Variants in SMAP2 observed in about 807,000 individuals in gnomAD.
The protein encoded by SMAP2 is stromal membrane-associated protein 2.
In SMAP2, 25 loss-of-function variants were observed where a neutral mutation model predicts 56.4. The observed-to-expected ratio is 0.44, with a 90% CI of 0.32 to 0.62. The LOEUF is 0.62. Ranked by LOEUF, SMAP2 falls within the 20% of genes least tolerant of loss-of-function variation. The pLI is 0.04. For missense variants in SMAP2, 388 were observed against 545.6 expected (o/e 0.71, Z 2.88); for synonymous variants, 157 against 181.7 (o/e 0.86, Z 1.09).
At chr1:40,378,537 C>T (rs1644563391) in intron 1 of SMAP2, among the ~76,000 whole-genome samples, 1 of 152,144 alleles carries the variant, frequency 6.6e-6, no homozygotes, top group Non-Finnish European at 1.5e-5. Flanking sequence ...AGTTCTAACT[C>T]CTGGGCTGAA....
intron 1 of SMAP2, among the ~76,000 whole-genome samples, chr1:40,381,456 A>G (rs1306433277): frequency 6.6e-6 from 1 of 152,246 alleles, no homozygotes. Flanking sequence ...TTAAAGGATA[A>G]GTATGACTTT....
Position 40,376,692 on chromosome 1 carries a change from A to G in SMAP2, c.103+2469A>G, listed in dbSNP as rs78428130. Among the ~76,000 whole-genome samples, 825 of 152,336 alleles carry G rather than the reference A, an allele frequency of 5.4e-3. 6 individuals carry two copies. The highest frequency in any genetic ancestry group is 0.026 in the South Asian group (124 of 4,824). On this transcript the variant is annotated intron_variant, in intron 1 of 9. Transcript: ENST00000372718. ...TGTTACCTGTTAGCGCTGATAAAAA[A>G]TACATTTCATTGGAGGAGGAATTTA...
intron 4 of SMAP2, among the ~76,000 whole-genome samples, chr1:40,410,907 AT>A (rs1186063821): frequency 6.6e-6 from 1 of 152,206 alleles, no homozygotes; most frequent in African/African-American, 2.4e-5. Flanking sequence ...TCACAGAAGT[AT>A]TGAGAGTAAG....
At chr1:40,414,364 A>G (rs1644966902) in intron 6 of SMAP2, 124 bp downstream of exon 6, 1 of 829,826 alleles carries the variant, frequency 1.2e-6, no homozygotes, top group Non-Finnish European at 2.0e-6. Flanking sequence ...GTTCTCTCAC[A>G]TTCTTCCTGA....
At chr1:40,379,429 G>A (rs1644573882) in intron 1 of SMAP2, among the ~76,000 whole-genome samples, 1 of 152,136 alleles carries the variant, frequency 6.6e-6, no homozygotes, top group African/African-American at 2.4e-5. Flanking sequence ...AACATGGAGA[G>A]CATACACTTT....
intron 1 of SMAP2, among the ~76,000 whole-genome samples, chr1:40,357,130 GTTGA>G (rs149753737): frequency 0.11 from 16,469 of 152,000 alleles, 943 homozygotes; most frequent in Middle Eastern, 0.18. Flanking sequence ...TCTTCATTTT[GTTGA>G]TTATTTCCTT....
chr1:40,400,974 T>G (rs532435967), intron 1 of SMAP2, among the ~76,000 whole-genome samples: 179 of 152,250 alleles, frequency 1.2e-3, no homozygotes, highest in Non-Finnish European at 2.1e-3. Flanking sequence ...AGAGAACCAA[T>G]GCTGGTTGGG....
chr1:40,422,193 C>A lies in SMAP2; in HGVS notation c.*92C>A. 1 of 1,523,966 alleles carries A rather than the reference C, an allele frequency of 6.6e-7. No homozygotes were observed. The highest frequency in any genetic ancestry group is 2.4e-5 in the East Asian group (1 of 41,992). 94.4% of individuals were successfully genotyped at this position (1,523,966 alleles called of 1,614,324 possible). ...CCTGACCCCCATCCTCTTTTCCTAC[C>A]TCTCTGTTTGGTTTAGAAATTGCTC... On this transcript the variant is annotated 3_prime_UTR_variant, in exon 10 of 10. Coordinates refer to ENST00000372718, the MANE Select transcript of SMAP2 (RefSeq NM_022733.3).
intron 4 of SMAP2, among the ~76,000 whole-genome samples, 174 bp downstream of exon 4, chr1:40,410,009 A>G (rs2124350090): frequency 6.6e-6 from 1 of 152,284 alleles, no homozygotes; most frequent in South Asian, 2.1e-4. Context: ...TGGGAGGCTG[A>G]GGTGGGAGGA....
chr1:40,415,238 A>G, intron 6 of SMAP2, 34 bp from the exon 7 acceptor site: 1 of 1,490,506 alleles, frequency 6.7e-7, no homozygotes, highest in African/African-American at 1.4e-5. Context: ...CTTAATAAGC[A>G]GTGCTGCATC....
chr1:40,374,239 T>TG lies in SMAP2; in HGVS notation c.103+18dup. On this transcript the variant is annotated intron_variant, in intron 1 of 9. Transcript: ENST00000372718. This position sits in a 1 kb window ranked among gnomAD's most constrained non-coding sequence, Gnocchi z 5.9. ...CAGTCTAAAGGTAGCGCATCCCACC[T>TG]GGCGGGCCAGGGGTCCAGCCGCGCC... 1.3e-6 allele frequency: 2 copies of TG among 1,597,852 alleles called. No homozygotes were observed. The highest frequency in any genetic ancestry group is 1.7e-6 in the Non-Finnish European group (2 of 1,171,624).
chr1:40,412,881 C>T, intron 4 of SMAP2, 135 bp from the exon 5 acceptor site: 1 of 636,462 alleles, frequency 1.6e-6, no homozygotes, highest in Non-Finnish European at 2.7e-6. Flanking sequence ...AAGACACCGC[C>T]CCCCAAGCTT....
Position 40,385,336 on chromosome 1 carries a change from G to A in SMAP2, c.103+11113G>A, listed in dbSNP as rs2124247387. On this transcript the variant is annotated intron_variant, in intron 1 of 9. Coordinates refer to ENST00000372718, the MANE Select transcript of SMAP2 (RefSeq NM_022733.3). This position sits in a 1 kb window ranked among gnomAD's most constrained non-coding sequence, Gnocchi z 4.5. ...CCCCTCAGTTCATAGATTTCCTATA[G>A]GAATTCTGGTTTGCTTTTAAATACA... Among the ~76,000 whole-genome samples the A allele has an allele frequency of 6.6e-6, 1 of 152,156 alleles. No individual in the cohort carries two copies. Among genetic ancestry groups the A allele is most frequent in the South Asian group, 2.1e-4 (1 of 4,824 alleles).
intron 9 of SMAP2, among the ~76,000 whole-genome samples, chr1:40,418,354 A>G (rs906262545): frequency 2.0e-5 from 3 of 152,212 alleles, no homozygotes; most frequent in Admixed American, 6.5e-5. Flanking sequence ...AAAACTAAAT[A>G]TAGAAAGTAG....
intron 6 of SMAP2, among the ~76,000 whole-genome samples, chr1:40,414,510 A>G (rs1410542272): frequency 1.3e-5 from 2 of 152,242 alleles, no homozygotes; most frequent in Non-Finnish European, 2.9e-5. Context: ...CTGTGTGACC[A>G]TGGGTAGTTT....
upstream of SMAP2, among the ~76,000 whole-genome samples, chr1:40,371,182 A>T (rs1011184337): frequency 3.9e-5 from 6 of 152,160 alleles, no homozygotes; most frequent in Admixed American, 1.3e-4. Context: ...AAAAAAAAAA[A>T]TTTTATAACT....
chr1:40,414,035 C>A, intron 5 of SMAP2, 124 bp from the exon 6 acceptor site: 2 of 797,320 alleles, frequency 2.5e-6, no homozygotes, highest in South Asian at 1.7e-5. Flanking sequence ...AGTTTTGTTT[C>A]TTTGGTAACT....
chr1:40,390,370 T>C (rs1441089383), intron 1 of SMAP2, among the ~76,000 whole-genome samples: 1 of 152,190 alleles, frequency 6.6e-6, no homozygotes, highest in Admixed American at 6.5e-5. Flanking sequence ...CGAAGAGAAA[T>C]TCACATGTCC....
At chr1:40,387,191 T>G (rs1383398340) in intron 1 of SMAP2, among the ~76,000 whole-genome samples, 1 of 152,176 alleles carries the variant, frequency 6.6e-6, no homozygotes, top group Non-Finnish European at 1.5e-5. Flanking sequence ...TACTTGAGCT[T>G]ATACCATAAT....
Sources: allele counts gnomAD v4.1 joint callset (sites outside exome capture counted in the v4.1 genomes callset), GRCh38; gene constraint gnomAD v4.1.1; non-coding constraint Gnocchi (gnomAD v3.1); transcripts MANE v1.5; gene names NCBI Gene and HGNC (gene_info 2026-07-23, HGNC 2026-07-21).